The following TBC1D1 variants were observed in gnomAD, a reference collection of about 807,000 sequenced individuals.
TBC1D1 encodes the protein TBC1 domain family member 1.
A neutral mutation model predicts 125.6 loss-of-function variants in TBC1D1; 89 were observed. The ratio of observed to expected loss-of-function variants is 0.71; its 90% confidence interval spans 0.60 to 0.85. The LOEUF is 0.85. Among genes scored for constraint, TBC1D1 ranks in the 40% least tolerant of loss-of-function variants. The pLI is 0.00. For missense variants in TBC1D1, 1,377 were observed against 1,469.2 expected, an observed-to-expected ratio of 0.94 and a Z score of 1.03; for synonymous variants, 565 against 564.1, an observed-to-expected ratio of 1.00 and a Z score of -0.02.
intron 16 of TBC1D1, 106 bp from the exon 19 acceptor site, chr4:38,117,926 TA>T: frequency 9.8e-7 from 1 of 1,020,640 alleles, no homozygotes; most frequent in Non-Finnish European, 1.5e-6. Flanking sequence ...ATCGAATGTT[TA>T]AAGTTCTAGT....
chr4:37,911,319 A>G (rs1256897497), intron 2 of TBC1D1, among the ~76,000 whole-genome samples: 1 of 152,048 alleles, frequency 6.6e-6, no homozygotes, highest in East Asian at 1.9e-4. Context: ...TCTTCTGAAT[A>G]CCTTTCCTCC....
At chr4:37,990,647 A>G (rs1736357544) in intron 2 of TBC1D1, among the ~76,000 whole-genome samples, 1 of 152,246 alleles carries the variant, frequency 6.6e-6, no homozygotes, top group South Asian at 2.1e-4. Context: ...TTCCATTTCC[A>G]GAAATATGTG....
chr4:38,075,358 C>G (rs1462592854), intron 12 of TBC1D1, among the ~76,000 whole-genome samples: 2 of 152,154 alleles, frequency 1.3e-5, no homozygotes, highest in Non-Finnish European at 2.9e-5. Flanking sequence ...TCCCCACTTG[C>G]CTAAGAGTCA....
chr4:37,998,541 T>A (rs1404351235), intron 2 of TBC1D1, among the ~76,000 whole-genome samples: 1 of 152,130 alleles, frequency 6.6e-6, no homozygotes, highest in Non-Finnish European at 1.5e-5. Context: ...GCCTCCTTGC[T>A]CTTAGGTGGT....
intron 2 of TBC1D1, among the ~76,000 whole-genome samples, chr4:37,967,817 G>C (rs1039884606): frequency 6.6e-6 from 1 of 152,182 alleles, no homozygotes; most frequent in Admixed American, 6.5e-5. Flanking sequence ...TGAGTTTAAA[G>C]CTAAGAGTCT....
intron 2 of TBC1D1, among the ~76,000 whole-genome samples, chr4:37,915,706 C>T (rs769001885): frequency 9.2e-5 from 14 of 152,198 alleles, no homozygotes; most frequent in Non-Finnish European, 1.5e-4. Context: ...AGCATCATCA[C>T]GTCCCCTGTG....
At chr4:38,028,724 G>T (rs1745558665) in intron 7 of TBC1D1, among the ~76,000 whole-genome samples, 1 of 152,154 alleles carries the variant, frequency 6.6e-6, no homozygotes, top group African/African-American at 2.4e-5. Flanking sequence ...GAGACAGAAG[G>T]TCCGGCCTCT....
At chr4:38,019,333 A>G (rs1217545656) in intron 4 of TBC1D1, among the ~76,000 whole-genome samples, 1 of 152,194 alleles carries the variant, frequency 6.6e-6, no homozygotes, top group African/African-American at 2.4e-5. Flanking sequence ...AACCATTTAC[A>G]AAGAAAAAGC....
intron 2 of TBC1D1, among the ~76,000 whole-genome samples, chr4:37,957,630 A>G (rs1014209400): frequency 6.6e-5 from 10 of 152,198 alleles, no homozygotes; most frequent in Non-Finnish European, 1.2e-4. Context: ...ATAAAAACAA[A>G]TAAATAAATA....
intron 1 of TBC1D1, 108 bp from the exon 2 acceptor site, chr4:37,901,895 A>G: frequency 1.9e-6 from 1 of 518,152 alleles, no homozygotes; most frequent in African/African-American, 1.9e-5. Flanking sequence ...TGAACCTCTT[A>G]TTATATTTGG....
chr4:37,965,476 G>A (rs981302982), intron 2 of TBC1D1, among the ~76,000 whole-genome samples: 4 of 152,154 alleles, frequency 2.6e-5, no homozygotes, highest in African/African-American at 9.7e-5. Context: ...AGTACTCAGC[G>A]GATATTGTTT....
intron 2 of TBC1D1, among the ~76,000 whole-genome samples, chr4:38,002,519 CTT>C (rs1739275694): frequency 6.6e-6 from 1 of 152,200 alleles, no homozygotes. Flanking sequence ...TGAAATATGT[CTT>C]TCTCATTACT....
intron 2 of TBC1D1, among the ~76,000 whole-genome samples, chr4:37,942,238 T>C (rs557239642): frequency 8.5e-5 from 13 of 152,370 alleles, no homozygotes; most frequent in African/African-American, 2.9e-4. Flanking sequence ...TTAGGATAGT[T>C]AGCTCTTCTT....
chr4:38,037,192 C>G (rs1395493340), intron 8 of TBC1D1, among the ~76,000 whole-genome samples: 1 of 151,914 alleles, frequency 6.6e-6, no homozygotes, highest in East Asian at 1.9e-4. Flanking sequence ...AAAGTTTTGA[C>G]CTAACTGCAG....
chr4:37,996,643 G>T (rs1737868652), intron 2 of TBC1D1, among the ~76,000 whole-genome samples: 1 of 152,230 alleles, frequency 6.6e-6, no homozygotes, highest in African/African-American at 2.4e-5. Flanking sequence ...TTTTAAAATT[G>T]TAAATAATTG....
chr4:38,097,994 C>T (rs991069561), intron 14 of TBC1D1, among the ~76,000 whole-genome samples: 1 of 152,234 alleles, frequency 6.6e-6, no homozygotes, highest in African/African-American at 2.4e-5. Flanking sequence ...TGGGTTCACA[C>T]CACCGTACTG....
At chr4:38,128,355 T>C (rs186428381) in intron 18 of TBC1D1, among the ~76,000 whole-genome samples, 2 of 152,250 alleles carry the variant, frequency 1.3e-5, no homozygotes, top group East Asian at 3.9e-4. Context: ...CAGAGGGTGC[T>C]GTAGTCTTAA....
At chr4:38,104,955 C>T (rs1761032657) in intron 15 of TBC1D1, among the ~76,000 whole-genome samples, 1 of 152,014 alleles carries the variant, frequency 6.6e-6, no homozygotes, top group Non-Finnish European at 1.5e-5. Flanking sequence ...CGGGGTTTCA[C>T]CGTGTTAGCC....
At chr4:38,059,553 A>G (rs13137431) in intron 12 of TBC1D1, among the ~76,000 whole-genome samples, 28,311 of 148,942 alleles carry the variant, frequency 0.19, 3,207 homozygotes, top group African/African-American at 0.32. Flanking sequence ...CGCAGAAACT[A>G]TAGAAAGTGC....
Sources: allele counts gnomAD v4.1 joint callset (sites outside exome capture counted in the v4.1 genomes callset), GRCh38; gene constraint gnomAD v4.1.1; transcripts MANE v1.5; gene names NCBI Gene and HGNC (gene_info 2026-07-23, HGNC 2026-07-21).